The following UNC13C variants were observed in gnomAD, a reference collection of about 807,000 sequenced individuals.
UNC13C encodes protein unc-13 homolog C.
In UNC13C, 174 loss-of-function variants were observed where a neutral mutation model predicts 245.4. That is an observed-to-expected ratio of 0.71 (90% confidence interval 0.63 to 0.80). UNC13C has a LOEUF of 0.80. UNC13C is among the 30% of genes least tolerant of loss of function. The pLI, the probability that UNC13C is intolerant of heterozygous loss-of-function variation, is 0.00. For synonymous variants in UNC13C, 992 were observed against 895.1 expected, an observed-to-expected ratio of 1.11 and a Z score of -1.93; for missense variants, 2,829 against 2,602.9, an observed-to-expected ratio of 1.09 and a Z score of -1.89.
At chr15:54,425,126 T>A (rs1224491656) in intron 19 of UNC13C, among the ~76,000 whole-genome samples, 1 of 151,782 alleles carries the variant, frequency 6.6e-6, no homozygotes, top group Non-Finnish European at 1.5e-5. Context: ...AGGATATAGT[T>A]TATTCTTTTA....
At chr15:54,314,153 G>T (rs1263988474) in intron 13 of UNC13C, among the ~76,000 whole-genome samples, 2 of 151,558 alleles carry the variant, frequency 1.3e-5, no homozygotes, top group Admixed American at 1.3e-4. Flanking sequence ...GGGAAAGGAG[G>T]CGGATTGTGG....
At chr15:54,388,307 C>A (rs906498603) in intron 17 of UNC13C, among the ~76,000 whole-genome samples, 3 of 152,062 alleles carry the variant, frequency 2.0e-5, no homozygotes, top group African/African-American at 7.2e-5. Context: ...GCTCCGGAAG[C>A]ACATCCAACA....
intron 19 of UNC13C, among the ~76,000 whole-genome samples, chr15:54,451,112 A>G (rs2141008084): frequency 6.6e-6 from 1 of 152,054 alleles, no homozygotes; most frequent in South Asian, 2.1e-4. Flanking sequence ...GAGTTTTTTA[A>G]ATATTTTTTC....
At chr15:54,207,443 G>C (rs1042760390) in intron 4 of UNC13C, among the ~76,000 whole-genome samples, 2 of 152,062 alleles carry the variant, frequency 1.3e-5, no homozygotes, top group Non-Finnish European at 2.9e-5. Flanking sequence ...AGCAGGAGGA[G>C]CATGAGGCCC....
chr15:53,959,583 C>T, the UNC13C span, among the ~76,000 whole-genome samples: 1 of 152,252 alleles, frequency 6.6e-6, no homozygotes, highest in African/African-American at 2.4e-5. Flanking sequence ...AGCTTACCCA[C>T]TCTTTTAAGA....
intron 19 of UNC13C, among the ~76,000 whole-genome samples, chr15:54,427,000 A>C (rs994804512): frequency 1.3e-5 from 2 of 151,838 alleles, no homozygotes; most frequent in African/African-American, 2.4e-5. Context: ...TATATTCTAA[A>C]GCTATATCTG....
At chr15:54,523,152 G>T (rs757880879) in intron 24 of UNC13C, among the ~76,000 whole-genome samples, 12 of 152,144 alleles carry the variant, frequency 7.9e-5, no homozygotes, top group African/African-American at 1.4e-4. Flanking sequence ...TAAGAAAAAT[G>T]TCCTCAATTT....
chr15:53,837,866 T>C, the UNC13C span, among the ~76,000 whole-genome samples: 1 of 152,172 alleles, frequency 6.6e-6, no homozygotes, highest in African/African-American at 2.4e-5. Context: ...TTTATGTTTA[T>C]ATGTGTTGAT....
At chr15:54,339,025 C>G (rs1007474463) in intron 17 of UNC13C, among the ~76,000 whole-genome samples, 1 of 152,148 alleles carries the variant, frequency 6.6e-6, no homozygotes, top group African/African-American at 2.4e-5. Context: ...AGCCAGCATT[C>G]CCAGCTAATT....
chr15:54,580,505 T>C (rs962508883), intron 30 of UNC13C, among the ~76,000 whole-genome samples: 3 of 152,206 alleles, frequency 2.0e-5, no homozygotes, highest in Non-Finnish European at 4.4e-5. Flanking sequence ...GGCCCAAGCA[T>C]GTGCTCTGGT....
chr15:54,137,061 C>T lies in UNC13C; in HGVS notation c.2984-5957C>T, dbSNP rs1371590416. On this transcript the variant is annotated intron_variant, in intron 2 of 32. Coordinates refer to ENST00000260323, the MANE Select transcript of UNC13C (RefSeq NM_001080534.3). ...CCCAGCTAGTCTTGCCCAGGCTAGT[C>T]TTGAACTCCTGGGCCGTAGTGATCT... is the stretch of plus-strand genomic sequence containing the variant. Among the ~76,000 whole-genome samples the T allele has an allele frequency of 2.6e-5, 4 of 152,096 alleles. No individual in the cohort carries two copies. The South Asian group carries it at 8.3e-4, about 32-fold the overall frequency.
chr15:54,144,147 T>A (rs1717084803), intron 4 of UNC13C, among the ~76,000 whole-genome samples: 1 of 152,176 alleles, frequency 6.6e-6, no homozygotes, highest in African/African-American at 2.4e-5. Context: ...TATCAAAGTA[T>A]TTAAAATTTA....
intron 13 of UNC13C, among the ~76,000 whole-genome samples, chr15:54,313,132 C>G (rs943071719): frequency 9.2e-5 from 14 of 151,756 alleles, no homozygotes; most frequent in African/African-American, 3.4e-4. Flanking sequence ...AAGAGGAATA[C>G]TGGCCTAATG....
chr15:53,890,433 G>A, the UNC13C span, among the ~76,000 whole-genome samples: 10 of 152,268 alleles, frequency 6.6e-5, no homozygotes, highest in Admixed American at 6.5e-4. Context: ...GAGCCACTGC[G>A]CCCAGCTACC....
chr15:54,160,540 C>A (rs1160861990), intron 4 of UNC13C, among the ~76,000 whole-genome samples: 2 of 151,834 alleles, frequency 1.3e-5, no homozygotes, highest in Non-Finnish European at 1.5e-5. Flanking sequence ...CACTTAAACT[C>A]TTTTTTGATT....
At chr15:54,050,428 G>T in intron 2 of UNC13C, 1 of 553,882 alleles carries the variant, frequency 1.8e-6, no homozygotes, top group Non-Finnish European at 3.6e-6. Flanking sequence ...GAGTAGTCAG[G>T]AGCTGACCTG....
chr15:54,293,178 C>T (rs1022323271), intron 10 of UNC13C, among the ~76,000 whole-genome samples: 1 of 151,800 alleles, frequency 6.6e-6, no homozygotes, highest in Non-Finnish European at 1.5e-5. Flanking sequence ...AAGTGATATA[C>T]ATCAGTTTAC....
At chr15:54,144,763 G>A (rs979846481) in intron 4 of UNC13C, among the ~76,000 whole-genome samples, 6 of 151,972 alleles carry the variant, frequency 3.9e-5, no homozygotes, top group Non-Finnish European at 8.8e-5. Context: ...CTATTGGTGG[G>A]TTTTCAAAAT....
At chr15:53,967,596 T>C in the UNC13C span, among the ~76,000 whole-genome samples, 158 of 152,324 alleles carry the variant, frequency 1.0e-3, no homozygotes, top group African/African-American at 3.6e-3. Flanking sequence ...TTTTATTTGT[T>C]ATCTGGATTT....
Sources: allele counts gnomAD v4.1 joint callset (sites outside exome capture counted in the v4.1 genomes callset), GRCh38; gene constraint gnomAD v4.1.1; transcripts MANE v1.5; gene names NCBI Gene and HGNC (gene_info 2026-07-23, HGNC 2026-07-21).